The following RBFOX1 variants were observed in gnomAD, a reference collection of about 807,000 sequenced individuals.
The protein encoded by RBFOX1 is RNA binding protein fox-1 homolog 1.
In RBFOX1, 8 loss-of-function variants were observed where a neutral mutation model predicts 57.7. That is an observed-to-expected ratio of 0.14 (90% CI 0.08 to 0.25). RBFOX1 has a LOEUF of 0.25. Ranked by LOEUF, RBFOX1 falls within the 10% of genes least tolerant of loss-of-function variation. RBFOX1 has a pLI of 1.00. For missense variants in RBFOX1, 611 were observed against 548.5 expected, an observed-to-expected ratio of 1.11 and a Z score of -1.14; for synonymous variants, 326 against 222.4, an observed-to-expected ratio of 1.47 and a Z score of -4.15.
intron 4 of RBFOX1, among the ~76,000 whole-genome samples, chr16:7,169,781 G>T (rs943311540): frequency 6.6e-6 from 1 of 152,092 alleles, no homozygotes; most frequent in African/African-American, 2.4e-5. Flanking sequence ...TTTTAAAAAT[G>T]TATAATTGCA....
chr16:6,816,451 G>A (rs1013199253), intron 3 of RBFOX1, among the ~76,000 whole-genome samples: 1 of 150,454 alleles, frequency 6.6e-6, no homozygotes, highest in African/African-American at 2.4e-5. Context: ...AAAGAAACAG[G>A]GTCTTGTTGG....
At chr16:6,034,243 A>T (rs577629951) in intron 1 of RBFOX1, among the ~76,000 whole-genome samples, 2 of 145,838 alleles carry the variant, frequency 1.4e-5, no homozygotes, top group East Asian at 4.3e-4. Context: ...GCTGAGGCAG[A>T]AGAATTGCTT....
chr16:5,701,066 GC>G (rs2051029575), intron 3 of RBFOX1, among the ~76,000 whole-genome samples: 1 of 152,286 alleles, frequency 6.6e-6, no homozygotes, highest in African/African-American at 2.4e-5. Flanking sequence ...TCTTTTAATA[GC>G]CTCTCATCCC....
At chr16:5,920,587 G>C (rs1425783887) in intron 4 of RBFOX1, among the ~76,000 whole-genome samples, 1 of 152,172 alleles carries the variant, frequency 6.6e-6, no homozygotes, top group African/African-American at 2.4e-5. Flanking sequence ...GCACAGCCCA[G>C]GCAGCTCTGT....
intron 3 of RBFOX1, among the ~76,000 whole-genome samples, chr16:5,649,962 G>T (rs1039444624): frequency 6.6e-6 from 1 of 152,222 alleles, no homozygotes; most frequent in East Asian, 1.9e-4. Context: ...GGTGGAACAC[G>T]CGGGGAGGTC....
intron 1 of RBFOX1, among the ~76,000 whole-genome samples, chr16:6,112,401 A>G (rs942544458): frequency 1.3e-5 from 2 of 152,282 alleles, no homozygotes; most frequent in Middle Eastern, 6.8e-3. Context: ...TTCGTTAAAG[A>G]AGTCCGAGGC....
chr16:5,705,296 G>C (rs2051200738), intron 3 of RBFOX1, among the ~76,000 whole-genome samples: 1 of 152,140 alleles, frequency 6.6e-6, no homozygotes, highest in South Asian at 2.1e-4. Context: ...GGGTCTTGCT[G>C]TCTTGTCCAG....
chr16:6,601,074 G>A (rs1287265606), intron 2 of RBFOX1, among the ~76,000 whole-genome samples: 1 of 152,178 alleles, frequency 6.6e-6, no homozygotes, highest in Non-Finnish European at 1.5e-5. Flanking sequence ...TGTCAGACCA[G>A]AAATTATAGA....
intron 1 of RBFOX1, among the ~76,000 whole-genome samples, chr16:6,146,695 C>A (rs1451767507): frequency 6.6e-6 from 1 of 152,146 alleles, no homozygotes; most frequent in Admixed American, 6.5e-5. Flanking sequence ...TATACTGAAT[C>A]AAGCTGTTAT....
chr16:7,710,474 T>C, intron 15 of RBFOX1, 149 bp from the exon 16 acceptor site: 2 of 1,513,174 alleles, frequency 1.3e-6, no homozygotes, highest in Non-Finnish European at 1.7e-6. Context: ...GCCCTATCTT[T>C]AGTTCTCCAA....
chr16:7,061,350 G>T (rs2054203466), intron 4 of RBFOX1, among the ~76,000 whole-genome samples: 1 of 152,284 alleles, frequency 6.6e-6, no homozygotes, highest in Admixed American at 6.5e-5. Flanking sequence ...ATTAATTGAT[G>T]AACGCAAGGA....
chr16:6,801,443 A>C (rs2085423755), intron 3 of RBFOX1, among the ~76,000 whole-genome samples: 1 of 152,172 alleles, frequency 6.6e-6, no homozygotes, highest in Non-Finnish European at 1.5e-5. Flanking sequence ...CAAAACGGGC[A>C]CATGTGTAGC....
intron 2 of RBFOX1, among the ~76,000 whole-genome samples, chr16:6,414,544 G>A (rs1017592664): frequency 1.3e-5 from 2 of 152,154 alleles, no homozygotes; most frequent in African/African-American, 4.8e-5. Flanking sequence ...AGTGACAAGT[G>A]CAAAGAAGAA....
chr16:7,237,717 A>G (rs2346613), intron 4 of RBFOX1, among the ~76,000 whole-genome samples: 39,931 of 152,118 alleles, frequency 0.26, 6,867 homozygotes, highest in East Asian at 0.69. Context: ...AATGAAGGAG[A>G]TTCTGGCCGA....
chr16:7,511,179 T>G (rs940800957), intron 4 of RBFOX1, among the ~76,000 whole-genome samples: 1 of 152,212 alleles, frequency 6.6e-6, no homozygotes, highest in African/African-American at 2.4e-5. Context: ...AATAGACCCA[T>G]TTCCTGTTCG....
chr16:6,953,652 G>C (rs535759523), intron 3 of RBFOX1, among the ~76,000 whole-genome samples: 2 of 152,234 alleles, frequency 1.3e-5, no homozygotes, highest in South Asian at 2.1e-4. Context: ...CTCCCAAAGC[G>C]CTGGGATTAT....
intron 4 of RBFOX1, among the ~76,000 whole-genome samples, chr16:7,438,758 C>T (rs2098742290): frequency 6.6e-6 from 1 of 152,164 alleles, no homozygotes; most frequent in Non-Finnish European, 1.5e-5. Flanking sequence ...TCTCCCTTTG[C>T]ACCACAGTGA....
intron 2 of RBFOX1, among the ~76,000 whole-genome samples, chr16:6,527,405 TC>T (rs1041970046): frequency 5.3e-5 from 8 of 151,966 alleles, no homozygotes; most frequent in African/African-American, 1.9e-4. Context: ...ACTTCGTCCT[TC>T]CCCCCATCAC....
chr16:6,119,503 C>G (rs1481066558), intron 1 of RBFOX1, among the ~76,000 whole-genome samples: 1 of 152,172 alleles, frequency 6.6e-6, no homozygotes, highest in Non-Finnish European at 1.5e-5. Flanking sequence ...TAATTTATTA[C>G]TTTGATGGCC....
Sources: gnomAD v4.1 joint callset for allele counts (sites outside exome capture counted in the v4.1 genomes callset) on GRCh38, gnomAD v4.1.1 for gene constraint, MANE v1.5 for transcripts, NCBI Gene and HGNC (gene_info 2026-07-23, HGNC 2026-07-21) for gene names.